FAH: variants seen among roughly 807,000 people sequenced by gnomAD.
FAH encodes fumarylacetoacetate hydrolase, also known as fumarylacetoacetase.
Under a neutral mutation model 55.8 loss-of-function variants are expected in FAH, and 47 were observed. The ratio of observed to expected loss-of-function variants is 0.84; its 90% CI spans 0.67 to 1.07. The LOEUF is 1.07. Ranked by LOEUF, FAH falls within the 50% of genes least tolerant of loss-of-function variation. The pLI is 0.00. For missense variants in FAH, 495 were observed against 545.9 expected (o/e 0.91, Z 0.93); for synonymous variants, 199 against 207.7 (o/e 0.96, Z 0.36).
chr15:80,162,207 T>A, intron 4 of FAH, 39 bp from the exon 5 acceptor site: 1 of 1,493,622 alleles, frequency 6.7e-7, no homozygotes, highest in Non-Finnish European at 9.3e-7. Flanking sequence ...CTGAGGCATG[T>A]GGGTTGCTGA....
At position 80,177,648 on chromosome 15, in the gene FAH, C is replaced by T. The variant is rs73481172; in HGVS notation, c.960+65C>T. 1,990 of 1,423,686 alleles carry T rather than the reference C, an allele frequency of 1.4e-3. 29 individuals carry two copies. The African/African-American group carries it at 0.024, about 17-fold the overall frequency. 88.2% of individuals were successfully genotyped at this position (1,423,686 alleles called of 1,614,324 possible). A position where few individuals can be genotyped will look rare whatever the true frequency, so the allele number is the denominator to read the frequency against. On this transcript the variant is annotated intron_variant, in intron 11 of 13. Coordinates refer to ENST00000561421, the MANE Select transcript of FAH (RefSeq NM_000137.4). ...GGGAAAGAGAGACTTTTCTTCCTGG[C>T]AGGAACAGGAGGAGAGCATTCCTTT...
At chr15:80,175,736 C>T (rs1446931606) in intron 10 of FAH, among the ~76,000 whole-genome samples, 2 of 152,236 alleles carry the variant, frequency 1.3e-5, no homozygotes, top group South Asian at 2.1e-4. Context: ...AGCTGTGGGA[C>T]TTTGGGCAAG....
chr15:80,157,709 G>A, intron 1 of FAH: 1 of 367,162 alleles, frequency 2.7e-6, no homozygotes, highest in East Asian at 6.5e-5. Flanking sequence ...TGGTAAGGTG[G>A]TAAGCTCCTC....
rs2041292426 is a variant in FAH, at chr15:80,177,358, A to C, written c.914-179A>C. ...GAGGAGGAAGTGATGACTTGTGTGC[A>C]TGTATTGGCCAACCCTGGACCTCCC... On this transcript the variant is annotated intron_variant, in intron 10 of 13. Coordinates refer to ENST00000561421, the MANE Select transcript of FAH (RefSeq NM_000137.4). The C allele has an allele frequency of 7.8e-6, 5 of 641,790 alleles. No individual in the cohort carries two copies. The Admixed American group carries it at 9.4e-5, about 12-fold the overall frequency. 39.8% of individuals were successfully genotyped at this position (641,790 alleles called of 1,614,324 possible).
intron 6 of FAH, 30 bp from the exon 7 acceptor site, chr15:80,168,234 G>GTT (rs377104738): frequency 2.9e-3 from 4,253 of 1,463,772 alleles, no homozygotes; most frequent in Admixed American, 3.2e-3. Flanking sequence ...TCACAGCACC[G>GTT]TTTTTTTTTT....
intron 13 of FAH, among the ~76,000 whole-genome samples, chr15:80,184,380 G>T (rs1456119748): frequency 6.6e-6 from 1 of 152,062 alleles, no homozygotes; most frequent in Non-Finnish European, 1.5e-5. Context: ...TCTCTCCCCA[G>T]CATTATTGCT....
chr15:80,155,993 A>G, intron 1 of FAH: 1 of 466,688 alleles, frequency 2.1e-6, no homozygotes, highest in Non-Finnish European at 4.2e-6. Flanking sequence ...GAAGCACAGC[A>G]CCACAGGGAG....
At chr15:80,154,641 C>T (rs965821933) in intron 1 of FAH, among the ~76,000 whole-genome samples, 1 of 152,248 alleles carries the variant, frequency 6.6e-6, no homozygotes, top group Admixed American at 6.5e-5. Context: ...CAAAACCTCC[C>T]TTCCCCCATG....
At chr15:80,186,591 T>G (rs1172077197), downstream of FAH, 13 of 297,318 alleles carry the variant, frequency 4.4e-5, no homozygotes, top group Non-Finnish European at 7.1e-5. Flanking sequence ...GAGATCGATT[T>G]ATTGATTGAT....
chr15:80,162,683 T>C (rs2041159269), intron 5 of FAH: 1 of 370,632 alleles, frequency 2.7e-6, no homozygotes, highest in Non-Finnish European at 5.2e-6. Context: ...CATACTTACA[T>C]TTTCTGATGA....
chr15:80,159,767 CA>C lies in FAH; in HGVS notation c.205del (p.Ser69AlafsTer23), dbSNP rs1343211837. The C allele has an allele frequency of 6.2e-7, 1 of 1,614,106 alleles. No individual in the cohort carries two copies. The highest frequency in any genetic ancestry group is 1.3e-5 in the African/African-American group (1 of 74,936). On this transcript the variant is annotated frameshift_variant, in exon 3 of 14. Coordinates refer to ENST00000561421, the MANE Select transcript of FAH (RefSeq NM_000137.4). LOFTEE classifies it high-confidence loss of function. ...QDVFNQPTLN[S>X]FMGLGQAAWK... ...TGTTTTGGTCTTAGCCTACACTCAA[CA>C]GCTTCATGGGCCTGGGTCAGGCTGC...
intron 9 of FAH, 78 bp from the exon 10 acceptor site, chr15:80,174,938 C>T: frequency 1.7e-6 from 2 of 1,199,900 alleles, no homozygotes; most frequent in East Asian, 2.3e-5. Context: ...CTGCTGGGGG[C>T]CTGGCTGGTA....
intron 1 of FAH, 146 bp from the exon 2 acceptor site, chr15:80,157,914 T>C: frequency 1.4e-6 from 1 of 702,734 alleles, no homozygotes; most frequent in Non-Finnish European, 2.6e-6. Context: ...GGCAGGATGC[T>C]GAGAACATGG....
At chr15:80,162,490 T>C in intron 5 of FAH, 154 bp downstream of exon 5, 1 of 725,636 alleles carries the variant, frequency 1.4e-6, no homozygotes, top group Admixed American at 2.0e-5. Context: ...TGGTCTCAGC[T>C]TCTGGTCTCC....
Position 80,175,060 on chromosome 15 carries a change from A to T in FAH, c.882A>T (p.Thr294=). Residue 294 remains threonine, a synonymous_variant, in exon 10 of 14, where the codon ACA becomes ACT. Coordinates refer to ENST00000561421, the MANE Select transcript of FAH (RefSeq NM_000137.4). ...LPYLCHDEPY[T]FDINLSVNLK... ...ATCTGTGCCATGACGAGCCCTACAC[A>T]TTTGACATCAACCTCTCTGTTAACC... 6.2e-7 allele frequency: 1 copy of T among 1,614,106 alleles called. No individual in the cohort carries two copies. Among genetic ancestry groups the T allele is most frequent in the Non-Finnish European group, 8.5e-7 (1 of 1,180,008 alleles).
chr15:80,165,269 C>T (rs1357583165), intron 5 of FAH, among the ~76,000 whole-genome samples: 1 of 151,636 alleles, frequency 6.6e-6, no homozygotes, highest in Non-Finnish European at 1.5e-5. Flanking sequence ...TGGCTCACGC[C>T]TGTAATCCCA....
intron 7 of FAH, among the ~76,000 whole-genome samples, chr15:80,170,586 T>G (rs1184476718): frequency 6.6e-6 from 1 of 152,210 alleles, no homozygotes; most frequent in Non-Finnish European, 1.5e-5. Context: ...CTGAGATTCA[T>G]CAGAGCAGGG....
chr15:80,160,600 C>G (rs995085275), intron 4 of FAH, 141 bp downstream of exon 4: 1 of 780,652 alleles, frequency 1.3e-6, no homozygotes, highest in South Asian at 1.4e-5. Context: ...GGCTGTTACC[C>G]GCTCCTCATC....
intron 13 of FAH, 39 bp downstream of exon 13, chr15:80,181,198 G>C: frequency 7.1e-7 from 1 of 1,418,360 alleles, no homozygotes; most frequent in Non-Finnish European, 1.0e-6. Flanking sequence ...CTTCCTCCTT[G>C]CCCGCCATGC....
Sources: allele counts gnomAD v4.1 joint callset (sites outside exome capture counted in the v4.1 genomes callset), GRCh38; gene constraint gnomAD v4.1.1; transcripts MANE v1.5; gene names NCBI Gene and HGNC (gene_info 2026-07-23, HGNC 2026-07-21).